Variants in LGR5 observed in about 807,000 individuals in gnomAD.
LGR5 encodes leucine rich repeat containing G protein-coupled receptor 5, also known as leucine-rich repeat-containing G protein-coupled receptor 5.
Under a neutral mutation model 76.7 loss-of-function variants are expected in LGR5, and 54 were observed. The ratio of observed to expected loss-of-function variants is 0.70; its 90% CI spans 0.57 to 0.88. LGR5 has a LOEUF of 0.88. Among genes scored for constraint, LGR5 ranks in the 40% least tolerant of loss-of-function variants. The pLI, the probability that LGR5 is intolerant of heterozygous loss-of-function variation, is 0.00. For synonymous variants in LGR5, 406 were observed against 421.9 expected, an observed-to-expected ratio of 0.96 and a Z score of 0.46; for missense variants, 1,078 against 1,073.3, an observed-to-expected ratio of 1.00 and a Z score of -0.06.
At chr12:71,518,556 C>T (rs993667334) in intron 2 of LGR5, among the ~76,000 whole-genome samples, 53 of 152,276 alleles carry the variant, frequency 3.5e-4, no homozygotes, top group African/African-American at 1.3e-3. Context: ...TGCATATGCT[C>T]ATTGCAGCAC....
intron 17 of LGR5, 73 bp from the exon 18 acceptor site, chr12:71,583,574 G>A: frequency 6.6e-6 from 10 of 1,504,718 alleles, no homozygotes; most frequent in Non-Finnish European, 9.0e-6. Context: ...TAAATAAAGA[G>A]ACAAAAGGGT....
intron 1 of LGR5, among the ~76,000 whole-genome samples, chr12:71,473,238 A>G (rs974717445): frequency 6.6e-6 from 1 of 152,196 alleles, no homozygotes; most frequent in Non-Finnish European, 1.5e-5. Context: ...ATCAACATTC[A>G]TAGAAATGTT....
chr12:71,500,112 T>C (rs1874532435), intron 1 of LGR5, among the ~76,000 whole-genome samples: 1 of 151,870 alleles, frequency 6.6e-6, no homozygotes, highest in South Asian at 2.1e-4. Flanking sequence ...ACTGTGTTCC[T>C]AGAATAAAAC....
intron 2 of LGR5, among the ~76,000 whole-genome samples, chr12:71,519,961 C>T (rs1207426244): frequency 6.6e-6 from 1 of 151,758 alleles, no homozygotes; most frequent in Non-Finnish European, 1.5e-5. Flanking sequence ...AACCCTGGTG[C>T]ATTATTAGTG....
Position 71,584,126 on chromosome 12 carries a change from T to A in LGR5, c.2116T>A (p.Tyr706Asn). The A allele has an allele frequency of 6.2e-7, 1 of 1,614,228 alleles. No homozygotes were observed. The highest frequency in any genetic ancestry group is 8.5e-7 in the Non-Finnish European group (1 of 1,180,038). The change falls in exon 18 of 18, where the codon TAT (tyrosine) becomes AAT (asparagine). Residue 706 changes from tyrosine to asparagine, a missense_variant. Transcript: ENST00000266674. Reference sequence around the variant, plus strand: ...AGTTCCCCTGCTGGGTGGCAGCAAGTATGGCGCCTCCCCTCTCTGCCTGCC... The same window carrying A: ...AGTTCCCCTGCTGGGTGGCAGCAAGAATGGCGCCTCCCCTCTCTGCCTGCC... ...AAVPLLGGSK[Y>N]GASPLCLPLP... is the part of the protein sequence containing the mutation.
intron 3 of LGR5, among the ~76,000 whole-genome samples, chr12:71,525,083 A>G (rs1192678139): frequency 6.6e-6 from 1 of 152,162 alleles, no homozygotes; most frequent in East Asian, 1.9e-4. Context: ...TTCTTCTGGT[A>G]CCCATTGTTT....
intron 16 of LGR5, among the ~76,000 whole-genome samples, chr12:71,581,846 A>C (rs1298673557): frequency 1.3e-5 from 2 of 152,168 alleles, no homozygotes; most frequent in Non-Finnish European, 2.9e-5. Flanking sequence ...CACATATTAC[A>C]CTCACATAGC....
chr12:71,456,710 T>C (rs1352756801), intron 1 of LGR5, among the ~76,000 whole-genome samples: 2 of 152,162 alleles, frequency 1.3e-5, no homozygotes, highest in Non-Finnish European at 2.9e-5. Flanking sequence ...GTTTTTACAG[T>C]CACAGAACAG....
At chr12:71,547,673 G>A (rs556541565) in intron 4 of LGR5, among the ~76,000 whole-genome samples, 127 of 152,274 alleles carry the variant, frequency 8.3e-4, no homozygotes, top group Non-Finnish European at 1.4e-3. Context: ...GGAATTAAAT[G>A]ACAGTATCTT....
intron 2 of LGR5, among the ~76,000 whole-genome samples, chr12:71,516,529 T>C (rs1336112625): frequency 1.3e-5 from 2 of 152,174 alleles, no homozygotes; most frequent in South Asian, 2.1e-4. Flanking sequence ...CCCCAGATCT[T>C]GTACACATAC....
chr12:71,470,465 T>C (rs1873049251), intron 1 of LGR5, among the ~76,000 whole-genome samples: 1 of 152,220 alleles, frequency 6.6e-6, no homozygotes, highest in African/African-American at 2.4e-5. Flanking sequence ...TTTCCACTTT[T>C]ATTTAACTTC....
intron 1 of LGR5, among the ~76,000 whole-genome samples, chr12:71,486,819 C>T (rs1873848178): frequency 6.7e-6 from 1 of 149,974 alleles, no homozygotes; most frequent in Admixed American, 6.6e-5. Flanking sequence ...TCGGAGACTT[C>T]TAGCTGAGAA....
chr12:71,446,799 T>G lies in LGR5; in HGVS notation c.212+6507T>G, dbSNP rs200599231. Among the ~76,000 whole-genome samples the G allele has an allele frequency of 2.6e-4, 39 of 152,294 alleles. No homozygotes were observed. The East Asian group carries it at 7.1e-3, about 28-fold the overall frequency. On this transcript the variant is annotated intron_variant, in intron 1 of 17. Coordinates refer to ENST00000266674, the MANE Select transcript of LGR5 (RefSeq NM_003667.4). ...TGCAGTTTTCAATTTTCCAATAATG[T>G]GAGCATTACATTATATAGTTTAGGG...
At chr12:71,556,596 C>T (rs1451615277) in intron 5 of LGR5, 23 bp from the exon 6 acceptor site, 2 of 1,520,184 alleles carry the variant, frequency 1.3e-6, no homozygotes, top group East Asian at 2.3e-5. Context: ...GCCTTCCTAA[C>T]TATCTGTAAT....
intron 4 of LGR5, among the ~76,000 whole-genome samples, chr12:71,546,319 T>A (rs898269301): frequency 8.0e-5 from 12 of 150,128 alleles, no homozygotes; most frequent in African/African-American, 2.9e-4. Flanking sequence ...AGTCTCAAAA[T>A]ATATATATAT....
At position 71,578,915 on chromosome 12, in the gene LGR5, C is replaced by G. The variant is rs1425848507; in HGVS notation, c.1392C>G (p.Asn464Lys). The change falls in exon 15 of 18, where the codon AAC becomes AAG. Residue 464 changes from asparagine (N) to lysine (K), a missense_variant. By Grantham distance (94) the Asn-to-Lys change is moderately conservative (BLOSUM62 0). Coordinates refer to ENST00000266674, the MANE Select transcript of LGR5 (RefSeq NM_003667.4). ...HALQSLISSE[N>K]FPELKVIEMP... Reference sequence around the variant, plus strand: ...TACAGAGCTTGATATCATCTGAAAACTTTCCAGAACTCAAGTGAGTTTGTC... The same window carrying G: ...TACAGAGCTTGATATCATCTGAAAAGTTTCCAGAACTCAAGTGAGTTTGTC... 5.0e-6 allele frequency: 8 copies of G among 1,600,680 alleles called. No homozygotes were observed. The highest frequency in any genetic ancestry group is 6.8e-6 in the Non-Finnish European group (8 of 1,174,714).
chr12:71,466,652 T>A (rs1030821752), intron 1 of LGR5, among the ~76,000 whole-genome samples: 2 of 131,742 alleles, frequency 1.5e-5, no homozygotes, highest in African/African-American at 5.4e-5. Flanking sequence ...CATGTGATAA[T>A]AATTTCCTCT....
intron 1 of LGR5, among the ~76,000 whole-genome samples, chr12:71,473,849 T>A (rs1873205117): frequency 6.6e-6 from 1 of 152,102 alleles, no homozygotes; most frequent in South Asian, 2.1e-4. Context: ...TTGCAATCAT[T>A]AAAAATTTAG....
intron 16 of LGR5, among the ~76,000 whole-genome samples, chr12:71,580,685 G>A (rs1879053123): frequency 6.6e-6 from 1 of 151,944 alleles, no homozygotes; most frequent in African/African-American, 2.4e-5. Context: ...GTAATCCCAG[G>A]TACTTGGGAG....
Sources: allele counts gnomAD v4.1 joint callset (sites outside exome capture counted in the v4.1 genomes callset), GRCh38; gene constraint gnomAD v4.1.1; transcripts MANE v1.5; gene names NCBI Gene and HGNC (gene_info 2026-07-23, HGNC 2026-07-21).